Variants in ENTPD6 observed in about 807,000 individuals in gnomAD.
ENTPD6 encodes the protein ectonucleoside triphosphate diphosphohydrolase 6.
A neutral mutation model predicts 61.5 loss-of-function variants in ENTPD6; 46 were observed. The observed-to-expected ratio is 0.75, with a 90% confidence interval of 0.59 to 0.96. The LOEUF is 0.96. ENTPD6 is among the 40% of genes least tolerant of loss of function. The pLI is 0.00. For synonymous variants in ENTPD6, 252 were observed against 255.5 expected, an observed-to-expected ratio of 0.99 and a Z score of 0.13; for missense variants, 612 against 629.0, an observed-to-expected ratio of 0.97 and a Z score of 0.29.
chr20:25,223,032 G>GT, intron 12 of ENTPD6, 54 bp downstream of exon 12: 1 of 1,431,078 alleles, frequency 7.0e-7, no homozygotes, highest in Non-Finnish European at 9.6e-7. Context: ...GGGGGCGGGG[G>GT]TGGAGGGCGT....
chr20:25,207,477 A>C, intron 3 of ENTPD6, 80 bp downstream of exon 3: 112 of 1,297,108 alleles, frequency 8.6e-5, no homozygotes, highest in Non-Finnish European at 1.1e-4. Context: ...CCACAGACTC[A>C]CCTGGGAGCT....
Position 25,216,634 on chromosome 20 carries a change from T to C in ENTPD6, c.710-14T>C. On this transcript the variant is annotated splice_polypyrimidine_tract_variant and intron_variant, in intron 7 of 14. Transcript: ENST00000376652. ...ACTAATGCCCCTGTGCTGTTTTTGCTTGCTGTGCTCCAGGCAGCTTGAAAA... is the reference window on the plus strand; with the variant it reads ...ACTAATGCCCCTGTGCTGTTTTTGCCTGCTGTGCTCCAGGCAGCTTGAAAA... 6.3e-7 allele frequency: 1 copy of C among 1,587,322 alleles called. No individual in the cohort carries two copies. The highest frequency in any genetic ancestry group is 8.6e-7 in the Non-Finnish European group (1 of 1,166,218).
At chr20:25,206,292 G>A (rs1255946346) in intron 1 of ENTPD6, among the ~76,000 whole-genome samples, 1 of 152,232 alleles carries the variant, frequency 6.6e-6, no homozygotes, top group Non-Finnish European at 1.5e-5. Flanking sequence ...ACAGGCTGAT[G>A]GACGTTCCCC....
At chr20:25,196,833 TG>T (rs1221984490) in intron 1 of ENTPD6, among the ~76,000 whole-genome samples, 1 of 152,218 alleles carries the variant, frequency 6.6e-6, no homozygotes, top group Non-Finnish European at 1.5e-5. Flanking sequence ...AATTGCTTTT[TG>T]TCCCCCTCCC....
chr20:25,226,723 T>TCTCTGGGATTC lies in ENTPD6; in HGVS notation c.*1131_*1141dup, dbSNP rs1374453933. ...TAAAAGGTTGACAGGGGCTTCTCCTTCTCTGGGATTCCTCTCGTTGAGCGA... is the reference window on the plus strand; with the variant it reads ...TAAAAGGTTGACAGGGGCTTCTCCTTCTCTGGGATTCCTCTGGGATTCCTCTCGTTGAGCGA... On this transcript the variant is annotated 3_prime_UTR_variant, in exon 15 of 15. Coordinates refer to ENST00000376652, the MANE Select transcript of ENTPD6 (RefSeq NM_001247.5). 2.6e-5 allele frequency: 4 copies of TCTCTGGGATTC among 152,276 alleles called. No individual in the cohort carries two copies. The highest frequency in any genetic ancestry group is 2.6e-4 in the Admixed American group (4 of 15,282). The allele number at this position is 152,276 out of a possible 1,614,324, so 9.4% of individuals were successfully genotyped here.
At chr20:25,218,740 C>A in intron 10 of ENTPD6, 126 bp downstream of exon 10, 4 of 961,112 alleles carry the variant, frequency 4.2e-6, no homozygotes, top group Non-Finnish European at 6.1e-6. Context: ...CCCCTCCCAC[C>A]CCACTGCTGT....
At chr20:25,221,672 C>T in intron 11 of ENTPD6, 1 of 388,088 alleles carries the variant, frequency 2.6e-6, no homozygotes, top group Non-Finnish European at 4.9e-6. Flanking sequence ...GCACTCTGTG[C>T]TGTGCTGGGC....
At chr20:25,209,095 T>G (rs1365754917) in intron 3 of ENTPD6, among the ~76,000 whole-genome samples, 1 of 127,078 alleles carries the variant, frequency 7.9e-6, no homozygotes, top group African/African-American at 2.7e-5. Context: ...TTTTTTTTCT[T>G]TTTTATTTAT....
Position 25,224,093 on chromosome 20 carries a change from T to G in ENTPD6, c.1187-8T>G, listed in dbSNP as rs553012147. ...GCTCCTGCAGACTGGGTGTTGTGTCTCCCACAGATGCGGAGAAGGGAGGCA... is the reference window on the plus strand; with the variant it reads ...GCTCCTGCAGACTGGGTGTTGTGTCGCCCACAGATGCGGAGAAGGGAGGCA... On this transcript the variant is annotated splice_polypyrimidine_tract_variant and splice_region_variant and intron_variant, in intron 12 of 14. Transcript: ENST00000376652. 6.2e-7 allele frequency: 1 copy of G among 1,611,194 alleles called. No individual in the cohort carries two copies. The highest frequency in any genetic ancestry group is 2.2e-5 in the East Asian group (1 of 44,746).
intron 1 of ENTPD6, among the ~76,000 whole-genome samples, chr20:25,203,494 G>A (rs936173070): frequency 6.6e-6 from 1 of 152,176 alleles, no homozygotes; most frequent in South Asian, 2.1e-4. Context: ...ATTTTCAAAT[G>A]TGCTATGTTG....
Position 25,195,729 on chromosome 20 carries a change from G to T in ENTPD6, c.-154G>T. On this transcript the variant is annotated 5_prime_UTR_variant, in exon 1 of 15. The change creates a new upstream start codon in the 5' untranslated region. Transcript: ENST00000376652. ...TGCATGGGGCGGAGCCCAGGCCCTA[G>T]GGAATCGTGGGGTCGTATCCCGCGG... 1 of 661,494 alleles carries T rather than the reference G, an allele frequency of 1.5e-6. No individual in the cohort carries two copies. 41.0% of individuals were successfully genotyped at this position (661,494 alleles called of 1,614,324 possible). A position where few individuals can be genotyped will look rare whatever the true frequency, so the allele number is the denominator to read the frequency against.
At chr20:25,205,926 C>T (rs576629523) in intron 1 of ENTPD6, among the ~76,000 whole-genome samples, 3 of 152,362 alleles carry the variant, frequency 2.0e-5, no homozygotes, top group Non-Finnish European at 2.9e-5. Context: ...CCTCAGGTAG[C>T]GCAGGTCGCT....
At chr20:25,209,961 C>T (rs758710121) in intron 4 of ENTPD6, 36 bp downstream of exon 4, 10 of 1,560,168 alleles carry the variant, frequency 6.4e-6, no homozygotes, top group East Asian at 2.2e-5. Flanking sequence ...TGTTCAACTG[C>T]AGAATGTGTT....
intron 10 of ENTPD6, among the ~76,000 whole-genome samples, chr20:25,219,179 C>T (rs550462028): frequency 1.8e-3 from 273 of 152,358 alleles, no homozygotes; most frequent in African/African-American, 6.3e-3. Flanking sequence ...TGACACCCAG[C>T]CCCAAGTTAT....
intron 14 of ENTPD6, 84 bp from the exon 15 acceptor site, chr20:25,225,415 T>G: frequency 6.3e-7 from 1 of 1,581,826 alleles, no homozygotes; most frequent in East Asian, 2.2e-5. Context: ...AGCCCATCCC[T>G]GGCTTCCAAG....
intron 5 of ENTPD6, 47 bp from the exon 6 acceptor site, chr20:25,214,816 TATTC>T: frequency 1.6e-5 from 17 of 1,092,780 alleles, no homozygotes; most frequent in Non-Finnish European, 2.1e-5. Flanking sequence ...TAAATAAATA[TATTC>T]ATTCATTCAT....
rs2092822755 is a variant in ENTPD6, at chr20:25,227,936, G to T, written c.*2339G>T. On this transcript the variant is annotated 3_prime_UTR_variant, in exon 15 of 15. Transcript: ENST00000376652. The stretch of plus-strand genomic sequence containing the variant: ...ATAACTGGTAGTTTTAATATGCATG[G>T]ATCTAATTCATCGGGTATATCTAAG... 6.6e-6 allele frequency among the ~76,000 whole-genome samples: 1 copy of T among 152,228 alleles called. No individual in the cohort carries two copies. The highest frequency in any genetic ancestry group is 6.5e-5 in the Admixed American group (1 of 15,290).
intron 9 of ENTPD6, 25 bp from the exon 10 acceptor site, chr20:25,218,525 C>T (rs2092467909): frequency 6.3e-7 from 1 of 1,590,802 alleles, no homozygotes; most frequent in Non-Finnish European, 8.5e-7. Context: ...TGGCAGCTGC[C>T]CTCACTGAGG....
chr20:25,196,168 C>T (rs750718260), intron 1 of ENTPD6: 3 of 1,211,082 alleles, frequency 2.5e-6, no homozygotes, highest in Non-Finnish European at 3.1e-6. Context: ...CTTTTGCGGA[C>T]CCGCCCCCAG....
Sources: gnomAD v4.1 joint callset for allele counts (sites outside exome capture counted in the v4.1 genomes callset) on GRCh38, gnomAD v4.1.1 for gene constraint, MANE v1.5 for transcripts, NCBI Gene and HGNC (gene_info 2026-07-23, HGNC 2026-07-21) for gene names.